The following MS4A5 variants were observed in gnomAD, a reference collection of about 807,000 sequenced individuals.
The protein encoded by MS4A5 is membrane spanning 4-domains A5, also known as membrane-spanning 4-domains subfamily A member 5.
MS4A5 carries 15 observed loss-of-function variants against 18.2 expected under a neutral mutation model. The ratio of observed to expected loss-of-function variants is 0.83; its 90% confidence interval spans 0.55 to 1.27. The LOEUF (loss-of-function observed/expected upper bound fraction) is 1.27. MS4A5 is among the 50% of genes most tolerant of loss of function. The probability of loss-of-function intolerance (pLI) is 0.00; values close to 1 mark genes in which losing one functional copy is unlikely to be tolerated. For synonymous variants in MS4A5, 89 were observed against 78.7 expected (o/e 1.13, Z -0.69); for missense variants, 232 against 225.7 (o/e 1.03, Z -0.18).
chr11:60,447,274 C>G (rs567642532), intron 4 of MS4A5, among the ~76,000 whole-genome samples: 26 of 133,684 alleles, frequency 1.9e-4, no homozygotes, highest in Non-Finnish European at 3.3e-4. Flanking sequence ...CCTATGGTAT[C>G]CTATGCTATG....
At chr11:60,431,466 TGCCAGAGAATG>T (rs911843054) in intron 2 of MS4A5, among the ~76,000 whole-genome samples, 2 of 152,174 alleles carry the variant, frequency 1.3e-5, no homozygotes, top group Non-Finnish European at 2.9e-5. Context: ...CCTAATTTAG[TGCCAGAGAATG>T]GGCAGAGCAA....
chr11:60,434,741 T>A (rs931129803), intron 4 of MS4A5, among the ~76,000 whole-genome samples: 1 of 152,184 alleles, frequency 6.6e-6, no homozygotes, highest in Admixed American at 6.5e-5. Flanking sequence ...ACCTGAAATT[T>A]ACAAGTGGAA....
intron 4 of MS4A5, among the ~76,000 whole-genome samples, chr11:60,447,089 A>AT (rs1411689319): frequency 6.8e-6 from 1 of 146,166 alleles, no homozygotes; most frequent in African/African-American, 2.8e-5. Flanking sequence ...ATGCTATGCT[A>AT]GCTATGCTAT....
At chr11:60,435,390 A>C in intron 4 of MS4A5, 1 of 447,584 alleles carries the variant, frequency 2.2e-6, no homozygotes, top group Non-Finnish European at 4.5e-6. Context: ...AAACCACAAT[A>C]TTTATCATGT....
chr11:60,441,192 C>T (rs2086109558), intron 4 of MS4A5, among the ~76,000 whole-genome samples: 1 of 131,938 alleles, frequency 7.6e-6, no homozygotes, highest in Non-Finnish European at 1.6e-5. Context: ...AAACCAAACA[C>T]CGCATATTCT....
intron 4 of MS4A5, among the ~76,000 whole-genome samples, chr11:60,445,524 T>G (rs934218424): frequency 1.3e-5 from 2 of 152,158 alleles, no homozygotes; most frequent in African/African-American, 4.8e-5. Flanking sequence ...CCTCCCAAAG[T>G]GCTAGGATTA....
intron 4 of MS4A5, among the ~76,000 whole-genome samples, chr11:60,438,579 T>A (rs1007813530): frequency 3.3e-5 from 5 of 151,756 alleles, no homozygotes; most frequent in Non-Finnish European, 7.4e-5. Flanking sequence ...CAATAAAAAA[T>A]GATAAAGGGG....
chr11:60,430,755 A>G (rs780988489), intron 1 of MS4A5, 41 bp from the exon 2 acceptor site: 1 of 1,602,038 alleles, frequency 6.2e-7, no homozygotes, highest in Non-Finnish European at 8.5e-7. Context: ...GGAAACTATC[A>G]CTTTGCTTTT....
intron 4 of MS4A5, among the ~76,000 whole-genome samples, chr11:60,441,299 GGATA>G: frequency 8.4e-6 from 1 of 119,504 alleles, no homozygotes; most frequent in Non-Finnish European, 1.8e-5. Flanking sequence ...AGGGGGGGAG[GGATA>G]GCATCGGGAG....
intron 4 of MS4A5, among the ~76,000 whole-genome samples, chr11:60,447,399 G>C (rs1289397610): frequency 1.3e-5 from 2 of 150,082 alleles, no homozygotes; most frequent in African/African-American, 4.8e-5. Flanking sequence ...CCTATGCTGT[G>C]CTGTACTATG....
chr11:60,434,642 T>C (rs2086068896), intron 4 of MS4A5, among the ~76,000 whole-genome samples: 1 of 152,170 alleles, frequency 6.6e-6, no homozygotes, highest in Admixed American at 6.5e-5. Context: ...CAGAAGTCTT[T>C]TTATTAAAAA....
intron 4 of MS4A5, among the ~76,000 whole-genome samples, chr11:60,434,364 TA>T (rs374015842): frequency 2.3e-3 from 356 of 152,134 alleles, no homozygotes; most frequent in African/African-American, 8.4e-3. Context: ...AAGATTAGTG[TA>T]AAAGAATGTA....
intron 1 of MS4A5, 134 bp downstream of exon 1, chr11:60,429,961 T>C: frequency 1.2e-6 from 1 of 848,596 alleles, no homozygotes. Flanking sequence ...AGAGTGTTGG[T>C]GGGCCATTTG....
At chr11:60,437,760 A>C (rs899223830) in intron 4 of MS4A5, among the ~76,000 whole-genome samples, 76 of 151,594 alleles carry the variant, frequency 5.0e-4, no homozygotes, top group African/African-American at 1.4e-3. Flanking sequence ...CAGGAGCACC[A>C]AGATTCATAA....
intron 4 of MS4A5, among the ~76,000 whole-genome samples, chr11:60,439,512 A>T (rs1318006069): frequency 3.3e-5 from 3 of 90,998 alleles, no homozygotes; most frequent in Admixed American, 1.3e-4. Flanking sequence ...ACATGATTGT[A>T]TATCTAGAAA....
intron 3 of MS4A5, among the ~76,000 whole-genome samples, chr11:60,432,776 A>AAC (rs72324749): frequency 1.3e-5 from 2 of 151,530 alleles, no homozygotes; most frequent in Non-Finnish European, 2.9e-5. Context: ...TCTCAAAAAA[A>AAC]AAAAACAAAA....
At position 60,433,820 on chromosome 11, in the gene MS4A5, T is replaced by A; in HGVS notation, c.395T>A (p.Ile132Asn). 1 of 1,614,020 alleles carries A rather than the reference T, an allele frequency of 6.2e-7. No individual in the cohort carries two copies. The highest frequency in any genetic ancestry group is 8.5e-7 in the Non-Finnish European group (1 of 1,179,862). Residue 132 changes from isoleucine to asparagine, a missense_variant, in exon 4 of 5, where the codon ATC becomes AAC. Ile to Asn is a moderately radical substitution (Grantham distance 149). Transcript: ENST00000300190. ...AGTGCCCTGGGAGCAATAGCTGGAA[T>A]CATTCTCCTCACATTTGGTTTCATC... ...FLSALGAIAG[I>N]ILLTFGFILD...
chr11:60,432,057 G>A (rs1015314377), intron 2 of MS4A5, among the ~76,000 whole-genome samples: 2 of 152,108 alleles, frequency 1.3e-5, no homozygotes, highest in African/African-American at 2.4e-5. Context: ...GCAGTAAGAT[G>A]GAATCCAATC....
chr11:60,437,369 G>A (rs2086086131), intron 4 of MS4A5, among the ~76,000 whole-genome samples: 3 of 147,850 alleles, frequency 2.0e-5, no homozygotes, highest in African/African-American at 7.4e-5. Context: ...ATCAACTAAC[G>A]AGCAAAATAA....
Sources: allele counts gnomAD v4.1 joint callset (sites outside exome capture counted in the v4.1 genomes callset), GRCh38; gene constraint gnomAD v4.1.1; transcripts MANE v1.5; gene names NCBI Gene and HGNC (gene_info 2026-07-23, HGNC 2026-07-21).